Variants in KIF6 observed in about 807,000 individuals in gnomAD.
The protein encoded by KIF6 is kinesin family member 6, also known as kinesin-like protein KIF6.
Under a neutral mutation model 112.7 loss-of-function variants are expected in KIF6, and 106 were observed. The observed-to-expected ratio is 0.94, with a 90% CI of 0.80 to 1.11. KIF6 has a LOEUF of 1.11. Among genes scored for constraint, KIF6 ranks in the 50% least tolerant of loss-of-function variants. The pLI, the probability that KIF6 is intolerant of heterozygous loss-of-function variation, is 0.00. For missense variants in KIF6, 929 were observed against 964.0 expected (o/e 0.96, Z 0.48); for synonymous variants, 339 against 339.9 (o/e 1.00, Z 0.03).
intron 13 of KIF6, among the ~76,000 whole-genome samples, chr6:39,448,066 G>A (rs1170796718): frequency 6.6e-6 from 1 of 152,126 alleles, no homozygotes; most frequent in Non-Finnish European, 1.5e-5. Context: ...CCTCACTCTG[G>A]TGATGGGGGT....
chr6:39,712,690 C>G (rs1243379384), intron 3 of KIF6, among the ~76,000 whole-genome samples: 1 of 152,086 alleles, frequency 6.6e-6, no homozygotes, highest in Non-Finnish European at 1.5e-5. Context: ...TGGTGAAACC[C>G]CATCTCACAA....
chr6:39,652,744 G>A (rs561681624), intron 3 of KIF6, among the ~76,000 whole-genome samples: 1 of 152,178 alleles, frequency 6.6e-6, no homozygotes, highest in African/African-American at 2.4e-5. Context: ...TTTTAGAGAT[G>A]AGAAAATTTA....
intron 13 of KIF6, among the ~76,000 whole-genome samples, chr6:39,531,671 G>T (rs1302984778): frequency 6.6e-6 from 1 of 152,084 alleles, no homozygotes; most frequent in Non-Finnish European, 1.5e-5. Context: ...CACGGTTCTT[G>T]TCTCCATGAA....
intron 13 of KIF6, among the ~76,000 whole-genome samples, chr6:39,473,526 T>C (rs1774257420): frequency 6.6e-6 from 1 of 152,178 alleles, no homozygotes; most frequent in Non-Finnish European, 1.5e-5. Context: ...AGAAAGAGAC[T>C]AAATGTTGTA....
At chr6:39,633,715 A>T (rs1025147192) in intron 5 of KIF6, among the ~76,000 whole-genome samples, 1 of 152,224 alleles carries the variant, frequency 6.6e-6, no homozygotes, top group Non-Finnish European at 1.5e-5. Flanking sequence ...AATGCTGGTC[A>T]GATTGTCTCC....
At chr6:39,389,934 G>A (rs1487095414) in intron 15 of KIF6, among the ~76,000 whole-genome samples, 1 of 151,116 alleles carries the variant, frequency 6.6e-6, no homozygotes, top group Non-Finnish European at 1.5e-5. Flanking sequence ...GGGACACTGA[G>A]GCAGGAGAAT....
intron 10 of KIF6, among the ~76,000 whole-genome samples, chr6:39,561,870 C>T (rs1257247916): frequency 6.6e-6 from 1 of 152,182 alleles, no homozygotes; most frequent in African/African-American, 2.4e-5. Flanking sequence ...GGGCTTCTTA[C>T]CAGCCATCTG....
At chr6:39,483,287 A>C (rs1441859774) in intron 13 of KIF6, among the ~76,000 whole-genome samples, 1 of 152,192 alleles carries the variant, frequency 6.6e-6, no homozygotes, top group East Asian at 1.9e-4. Context: ...TAAATAATCC[A>C]GAATCAATGG....
At chr6:39,417,240 G>A (rs1463070825) in intron 15 of KIF6, among the ~76,000 whole-genome samples, 2 of 152,184 alleles carry the variant, frequency 1.3e-5, no homozygotes, top group African/African-American at 4.8e-5. Flanking sequence ...GTCAAGCACC[G>A]TGAGGGGGTA....
chr6:39,706,580 T>G (rs769545384), intron 3 of KIF6, among the ~76,000 whole-genome samples: 2 of 152,202 alleles, frequency 1.3e-5, no homozygotes, highest in Non-Finnish European at 2.9e-5. Context: ...AGTTTAGATT[T>G]AAGTATAATT....
At chr6:39,516,963 G>A (rs12525519) in intron 13 of KIF6, among the ~76,000 whole-genome samples, 42,592 of 152,034 alleles carry the variant, frequency 0.28, 8,100 homozygotes, top group African/African-American at 0.53. Flanking sequence ...AAAGGAAGGT[G>A]AGTAGCAACA....
chr6:39,385,277 A>G (rs1767316331), intron 16 of KIF6, among the ~76,000 whole-genome samples: 1 of 152,094 alleles, frequency 6.6e-6, no homozygotes, highest in Non-Finnish European at 1.5e-5. Flanking sequence ...TTCTGTTAGG[A>G]TTAGTTAGTA....
chr6:39,573,899 G>C (rs1340093067), intron 10 of KIF6, among the ~76,000 whole-genome samples: 1 of 152,160 alleles, frequency 6.6e-6, no homozygotes, highest in Non-Finnish European at 1.5e-5. Context: ...GCCCCACTCA[G>C]GGCCTAACAT....
At chr6:39,373,198 C>T (rs1380423496) in intron 16 of KIF6, among the ~76,000 whole-genome samples, 1 of 152,188 alleles carries the variant, frequency 6.6e-6, no homozygotes, top group Non-Finnish European at 1.5e-5. Flanking sequence ...TGCACAGTTG[C>T]ATGATGAAAA....
chr6:39,390,047 A>AG (rs1767744621), intron 15 of KIF6, among the ~76,000 whole-genome samples: 1 of 151,498 alleles, frequency 6.6e-6, no homozygotes, highest in Non-Finnish European at 1.5e-5. Context: ...AAAAAAAAAA[A>AG]AAAAAGGAAA....
intron 16 of KIF6, among the ~76,000 whole-genome samples, chr6:39,377,903 C>T (rs1294582435): frequency 6.6e-6 from 1 of 152,024 alleles, no homozygotes; most frequent in African/African-American, 2.4e-5. Context: ...GATCTTTGTT[C>T]CTGGGGCAGT....
chr6:39,656,238 C>T (rs570976134), intron 3 of KIF6, among the ~76,000 whole-genome samples: 4 of 152,344 alleles, frequency 2.6e-5, no homozygotes, highest in East Asian at 3.9e-4. Flanking sequence ...CTACTCCCTT[C>T]ATTTACATGG....
chr6:39,513,647 G>C (rs1342713900), intron 13 of KIF6, among the ~76,000 whole-genome samples: 3 of 152,106 alleles, frequency 2.0e-5, no homozygotes, highest in African/African-American at 4.8e-5. Flanking sequence ...TCTGGGCTTG[G>C]GGTGATATAT....
At chr6:39,602,659 G>A (rs1782642327) in intron 6 of KIF6, among the ~76,000 whole-genome samples, 1 of 152,132 alleles carries the variant, frequency 6.6e-6, no homozygotes, top group African/African-American at 2.4e-5. Flanking sequence ...ATGGAATATA[G>A]TTCATTTGAG....
Sources: gnomAD v4.1 joint callset for allele counts (sites outside exome capture counted in the v4.1 genomes callset) on GRCh38, gnomAD v4.1.1 for gene constraint, MANE v1.5 for transcripts, NCBI Gene and HGNC (gene_info 2026-07-23, HGNC 2026-07-21) for gene names.